Variants in NRXN3 observed in about 807,000 individuals in gnomAD.
NRXN3 encodes neurexin III.
Under a neutral mutation model 137.6 loss-of-function variants are expected in NRXN3, and 32 were observed. That is an observed-to-expected ratio of 0.23 (90% CI 0.18 to 0.31). NRXN3 has a LOEUF of 0.31. Among genes scored for constraint, NRXN3 ranks in the 10% least tolerant of loss-of-function variants. NRXN3 has a pLI of 1.00. For missense variants in NRXN3, 1,574 were observed against 2,062.5 expected (o/e 0.76, Z 4.59); for synonymous variants, 798 against 784.5 (o/e 1.02, Z -0.29).
At chr14:78,332,312 C>T in intron 4 of NRXN3, among the ~76,000 whole-genome samples, 1 of 106,070 alleles carries the variant, frequency 9.4e-6, no homozygotes, top group Non-Finnish European at 1.8e-5. Context: ...ATTTTCTTTT[C>T]TTCTTCTTTT....
intron 8 of NRXN3, among the ~76,000 whole-genome samples, chr14:78,788,735 T>C (rs1253962252): frequency 6.6e-6 from 1 of 152,194 alleles, no homozygotes; most frequent in African/African-American, 2.4e-5. Flanking sequence ...TTTTAAATCT[T>C]ACCTTTATTA....
chr14:78,196,672 C>A (rs1446049535), intron 1 of NRXN3, among the ~76,000 whole-genome samples: 3 of 152,162 alleles, frequency 2.0e-5, no homozygotes, highest in South Asian at 2.1e-4. Context: ...AGAGGGCAGA[C>A]AAGGTCCTGT....
intron 15 of NRXN3, among the ~76,000 whole-genome samples, chr14:79,427,068 AG>A (rs1408464239): frequency 1.3e-5 from 2 of 152,216 alleles, no homozygotes; most frequent in Non-Finnish European, 2.9e-5. Context: ...GAGATTTAAC[AG>A]AAATGGCTAA....
At chr14:79,123,686 G>A (rs1487639568) in intron 15 of NRXN3, among the ~76,000 whole-genome samples, 5 of 152,176 alleles carry the variant, frequency 3.3e-5, no homozygotes. Flanking sequence ...ACCTGGGGAT[G>A]TGAAAATGGA....
chr14:79,103,903 G>A lies in NRXN3; in HGVS notation c.3262+115762G>A, dbSNP rs527799547. Reference sequence around the variant, plus strand: ...TGCATGTGTTCACACCAACACACATGTGCAAATCTGCACACATACATGCAC... The same window carrying A: ...TGCATGTGTTCACACCAACACACATATGCAAATCTGCACACATACATGCAC... On this transcript the variant is annotated intron_variant, in intron 15 of 20. Coordinates refer to ENST00000335750, the MANE Select transcript of NRXN3 (RefSeq NM_001330195.2). 5.3e-5 allele frequency among the ~76,000 whole-genome samples: 8 copies of A among 152,236 alleles called. 1 individual carries two copies. The highest frequency in any genetic ancestry group is 1.7e-4 in the African/African-American group (7 of 41,556).
At chr14:79,232,452 A>G (rs571559273) in intron 15 of NRXN3, among the ~76,000 whole-genome samples, 40 of 152,316 alleles carry the variant, frequency 2.6e-4, no homozygotes, top group African/African-American at 8.4e-4. Context: ...TTAAAAATCT[A>G]TATCAATTAC....
chr14:78,457,419 C>T (rs1047633664), intron 4 of NRXN3, among the ~76,000 whole-genome samples: 6 of 152,034 alleles, frequency 3.9e-5, no homozygotes, highest in Non-Finnish European at 5.9e-5. Context: ...CCCCTCACTT[C>T]GTTATTAGGT....
intron 15 of NRXN3, among the ~76,000 whole-genome samples, chr14:79,344,031 G>A (rs1209555985): frequency 6.6e-6 from 1 of 152,080 alleles, no homozygotes; most frequent in East Asian, 1.9e-4. Flanking sequence ...GGAAGTCAGT[G>A]GAATAAAATT....
At chr14:78,487,678 G>A (rs1317438210) in intron 4 of NRXN3, among the ~76,000 whole-genome samples, 1 of 151,682 alleles carries the variant, frequency 6.6e-6, no homozygotes, top group Non-Finnish European at 1.5e-5. Context: ...GGAGGCAGAG[G>A]TTGCAGTGAG....
chr14:78,888,093 T>A (rs1448345323), intron 10 of NRXN3, among the ~76,000 whole-genome samples: 1 of 152,124 alleles, frequency 6.6e-6, no homozygotes, highest in African/African-American at 2.4e-5. Flanking sequence ...AAGCCAGATA[T>A]GCACTGACAT....
At chr14:78,238,146 C>CA (rs970478676) in intron 1 of NRXN3, among the ~76,000 whole-genome samples, 5 of 151,178 alleles carry the variant, frequency 3.3e-5, no homozygotes, top group Admixed American at 6.6e-5. Flanking sequence ...TGAGCCCCCC[C>CA]CACCACACCA....
chr14:79,373,327 A>G (rs2094165904), intron 15 of NRXN3, among the ~76,000 whole-genome samples: 1 of 152,178 alleles, frequency 6.6e-6, no homozygotes, highest in African/African-American at 2.4e-5. Flanking sequence ...GGGGAAAAAA[A>G]AGGAAACTGA....
intron 15 of NRXN3, among the ~76,000 whole-genome samples, chr14:79,386,265 A>G (rs1164125114): frequency 2.0e-5 from 3 of 152,232 alleles, no homozygotes; most frequent in Admixed American, 6.5e-5. Context: ...GTCTCAGGAT[A>G]CAAAATCAAT....
intron 10 of NRXN3, among the ~76,000 whole-genome samples, chr14:78,847,794 C>T (rs969501084): frequency 1.3e-5 from 2 of 152,030 alleles, no homozygotes; most frequent in Admixed American, 6.6e-5. Context: ...AGTGCAACTA[C>T]GTTTTGGAGA....
At chr14:79,693,138 T>C (rs930493807) in intron 18 of NRXN3, among the ~76,000 whole-genome samples, 5 of 152,044 alleles carry the variant, frequency 3.3e-5, no homozygotes, top group Non-Finnish European at 5.9e-5. Flanking sequence ...ACCATTGTTT[T>C]TCAATGAAAA....
chr14:78,910,181 G>T (rs2099232862), intron 10 of NRXN3, among the ~76,000 whole-genome samples: 1 of 152,028 alleles, frequency 6.6e-6, no homozygotes, highest in Non-Finnish European at 1.5e-5. Context: ...CTGTGGTGTG[G>T]ACTTTTACTT....
At chr14:78,715,549 A>G (rs2098427283) in intron 8 of NRXN3, among the ~76,000 whole-genome samples, 1 of 152,192 alleles carries the variant, frequency 6.6e-6, no homozygotes, top group Non-Finnish European at 1.5e-5. Flanking sequence ...AGACAGGTAC[A>G]TCGCTGTTTT....
chr14:79,057,481 T>G (rs2152629988), intron 15 of NRXN3, among the ~76,000 whole-genome samples: 1 of 152,264 alleles, frequency 6.6e-6, no homozygotes, highest in East Asian at 1.9e-4. Flanking sequence ...ACAAAATGGT[T>G]TAGGAACCAG....
chr14:79,484,766 T>C (rs2096640144), intron 16 of NRXN3, among the ~76,000 whole-genome samples: 1 of 152,206 alleles, frequency 6.6e-6, no homozygotes, highest in Non-Finnish European at 1.5e-5. Flanking sequence ...GTATTTAGTT[T>C]AGAAGAGGTT....
Sources: gnomAD v4.1 joint callset for allele counts (sites outside exome capture counted in the v4.1 genomes callset) on GRCh38, gnomAD v4.1.1 for gene constraint, MANE v1.5 for transcripts, NCBI Gene and HGNC (gene_info 2026-07-23, HGNC 2026-07-21) for gene names.